GHR: variants seen among roughly 807,000 people sequenced by gnomAD.
GHR encodes GH receptor.
A neutral mutation model predicts 67.1 loss-of-function variants in GHR; 35 were observed. The observed-to-expected ratio is 0.52, with a 90% CI of 0.40 to 0.69. The LOEUF (loss-of-function observed/expected upper bound fraction) is 0.69, where lower values mean the gene tolerates loss of function less well. GHR is among the 30% of genes least tolerant of loss of function. GHR has a pLI of 0.00. For synonymous variants in GHR, 272 were observed against 269.1 expected (o/e 1.01, Z -0.10); for missense variants, 792 against 764.6 (o/e 1.04, Z -0.42).
chr5:42,684,165 C>A (rs573228772), intron 3 of GHR, among the ~76,000 whole-genome samples: 109 of 152,194 alleles, frequency 7.2e-4, no homozygotes, highest in Non-Finnish European at 1.2e-3. Context: ...CGTTATTGTT[C>A]ATAATTATAT....
chr5:42,708,058 A>G (rs1006734306), intron 6 of GHR, among the ~76,000 whole-genome samples: 1 of 152,198 alleles, frequency 6.6e-6, no homozygotes, highest in East Asian at 1.9e-4. Context: ...TCCCTTTAGC[A>G]GTTCTTGTAA....
At chr5:42,627,221 A>C (rs35584433) in intron 2 of GHR, among the ~76,000 whole-genome samples, 2,838 of 152,042 alleles carry the variant, frequency 0.019, 35 homozygotes, top group Non-Finnish European at 0.025. Context: ...ACTTTTTTTC[A>C]TACTGTTTAA....
At chr5:42,543,017 T>C (rs1451951034) in intron 1 of GHR, among the ~76,000 whole-genome samples, 2 of 152,200 alleles carry the variant, frequency 1.3e-5, no homozygotes, top group African/African-American at 4.8e-5. Flanking sequence ...TATCACATTT[T>C]ATTTATCCAC....
chr5:42,469,121 A>C (rs1744883570), intron 1 of GHR, among the ~76,000 whole-genome samples: 1 of 152,240 alleles, frequency 6.6e-6, no homozygotes, highest in Non-Finnish European at 1.5e-5. Flanking sequence ...TGTTCTGGGA[A>C]AGAGAGACAG....
chr5:42,711,695 T>C (rs1336550969), intron 7 of GHR, among the ~76,000 whole-genome samples: 17 of 152,136 alleles, frequency 1.1e-4, no homozygotes, highest in Admixed American at 1.1e-3. Flanking sequence ...AAATTTTCTA[T>C]AGTAAGTTTG....
intron 3 of GHR, among the ~76,000 whole-genome samples, chr5:42,664,897 G>A (rs1755872625): frequency 1.3e-5 from 2 of 151,670 alleles, no homozygotes; most frequent in South Asian, 4.2e-4. Context: ...CAAATCTACA[G>A]GAAAAAAACA....
chr5:42,670,003 T>C (rs1238009289), intron 3 of GHR, among the ~76,000 whole-genome samples: 1 of 152,136 alleles, frequency 6.6e-6, no homozygotes, highest in Non-Finnish European at 1.5e-5. Context: ...AGTCATTCTT[T>C]ATAGCAGTAG....
At chr5:42,600,819 A>G (rs1231384142) in intron 2 of GHR, among the ~76,000 whole-genome samples, 1 of 152,062 alleles carries the variant, frequency 6.6e-6, no homozygotes, top group East Asian at 1.9e-4. Context: ...GCTGACTTGT[A>G]ATTCAGTCAT....
intron 3 of GHR, among the ~76,000 whole-genome samples, chr5:42,681,360 C>T (rs1204262438): frequency 6.6e-6 from 1 of 151,856 alleles, no homozygotes; most frequent in African/African-American, 2.4e-5. Context: ...TGAAAAAATG[C>T]TCATCATCAC....
chr5:42,548,346 A>G (rs376440711), intron 1 of GHR: 86 of 985,360 alleles, frequency 8.7e-5, no homozygotes, highest in African/African-American at 1.4e-4. Flanking sequence ...TAACCAAGAA[A>G]CTTCTGTGGG....
intron 2 of GHR, among the ~76,000 whole-genome samples, chr5:42,584,010 C>T (rs554318199): frequency 1.3e-5 from 2 of 151,818 alleles, no homozygotes; most frequent in East Asian, 1.9e-4. Context: ...AGTCTCTTTG[C>T]GGTCCGTTAG....
chr5:42,711,463 A>C (rs760583674), intron 7 of GHR, 91 bp downstream of exon 7: 9 of 873,164 alleles, frequency 1.0e-5, no homozygotes, highest in Non-Finnish European at 1.8e-5. Flanking sequence ...GTGTTGTCCA[A>C]ATCAAAATAT....
chr5:42,537,645 G>T (rs1455645477), intron 1 of GHR, among the ~76,000 whole-genome samples: 2 of 152,116 alleles, frequency 1.3e-5, no homozygotes, highest in Non-Finnish European at 2.9e-5. Flanking sequence ...GTTGTTGGAT[G>T]AAATGTTCTG....
chr5:42,668,095 C>G (rs1479608284), intron 3 of GHR, among the ~76,000 whole-genome samples: 1 of 152,132 alleles, frequency 6.6e-6, no homozygotes, highest in Non-Finnish European at 1.5e-5. Flanking sequence ...GAGTGCCTTA[C>G]ACACAAATGC....
At chr5:42,636,800 T>G (rs1167450006) in intron 3 of GHR, among the ~76,000 whole-genome samples, 1 of 152,196 alleles carries the variant, frequency 6.6e-6, no homozygotes, top group Non-Finnish European at 1.5e-5. Flanking sequence ...AGCGTTCAAA[T>G]GTAGTTACCA....
intron 1 of GHR, among the ~76,000 whole-genome samples, chr5:42,482,245 T>A (rs1406104452): frequency 6.6e-6 from 1 of 152,128 alleles, no homozygotes. Flanking sequence ...TCTGGAAGTT[T>A]TGTCTCAGAG....
intron 2 of GHR, among the ~76,000 whole-genome samples, chr5:42,606,316 A>G (rs955582864): frequency 6.6e-6 from 1 of 152,126 alleles, no homozygotes; most frequent in Non-Finnish European, 1.5e-5. Context: ...TAGTAATGCT[A>G]TAAGGAATAC....
chr5:42,481,198 G>C (rs1745617040), intron 1 of GHR, among the ~76,000 whole-genome samples: 2 of 152,136 alleles, frequency 1.3e-5, no homozygotes, highest in Admixed American at 1.3e-4. Context: ...TTTTCTTTAA[G>C]AATGTTGAAT....
intron 1 of GHR, among the ~76,000 whole-genome samples, chr5:42,432,209 C>G (rs1743125288): frequency 6.6e-6 from 1 of 152,226 alleles, no homozygotes; most frequent in Admixed American, 6.5e-5. Context: ...AAGAAAAATC[C>G]TTATTCTTTT....
Sources: gnomAD v4.1 joint callset for allele counts (sites outside exome capture counted in the v4.1 genomes callset) on GRCh38, gnomAD v4.1.1 for gene constraint, MANE v1.5 for transcripts, NCBI Gene and HGNC (gene_info 2026-07-23, HGNC 2026-07-21) for gene names.